Variants in NCKAP5 observed in about 807,000 individuals in gnomAD.
NCKAP5 encodes the protein NCK associated protein 5.
NCKAP5 carries 92 observed loss-of-function variants against 167.0 expected under a neutral mutation model. The ratio of observed to expected loss-of-function variants is 0.55; its 90% CI spans 0.47 to 0.66. The LOEUF (loss-of-function observed/expected upper bound fraction) is 0.66. Ranked by LOEUF, NCKAP5 falls within the 30% of genes least tolerant of loss-of-function variation. NCKAP5 has a pLI of 0.00. For missense variants in NCKAP5, 2,378 were observed against 2,315.0 expected, an observed-to-expected ratio of 1.03 and a Z score of -0.56; for synonymous variants, 891 against 877.4, an observed-to-expected ratio of 1.02 and a Z score of -0.27.
chr2:133,662,580 T>C, the NCKAP5 span, among the ~76,000 whole-genome samples: 1 of 147,790 alleles, frequency 6.8e-6, no homozygotes, highest in Non-Finnish European at 1.5e-5. Context: ...GTATAAAGAA[T>C]TTGATCACAA....
intron 6 of NCKAP5, chr2:133,123,485 C>T: frequency 5.1e-6 from 1 of 194,842 alleles, no homozygotes; most frequent in Admixed American, 5.2e-5. Flanking sequence ...TATCCTTGAA[C>T]CAATGTTGCT....
intron 3 of NCKAP5, among the ~76,000 whole-genome samples, chr2:133,474,973 G>A (rs1679754057): frequency 6.6e-6 from 1 of 152,120 alleles, no homozygotes; most frequent in Non-Finnish European, 1.5e-5. Flanking sequence ...ACCAAGCCCA[G>A]CTAATTTTTG....
intron 3 of NCKAP5, among the ~76,000 whole-genome samples, chr2:133,349,498 C>T (rs907004664): frequency 6.6e-6 from 1 of 152,198 alleles, no homozygotes; most frequent in African/African-American, 2.4e-5. Context: ...CGGCACTTGA[C>T]AAAGCGGAGA....
At chr2:132,728,570 A>G (rs957472885) in intron 18 of NCKAP5, among the ~76,000 whole-genome samples, 12 of 152,182 alleles carry the variant, frequency 7.9e-5, no homozygotes, top group Non-Finnish European at 2.9e-5. Flanking sequence ...GAGTGCATCC[A>G]TACCCAAGAA....
At chr2:133,359,375 T>C (rs1309449589) in intron 3 of NCKAP5, among the ~76,000 whole-genome samples, 1 of 152,234 alleles carries the variant, frequency 6.6e-6, no homozygotes, top group Non-Finnish European at 1.5e-5. Flanking sequence ...ATTCTGGGCT[T>C]AGTTTTGTTA....
intron 16 of NCKAP5, among the ~76,000 whole-genome samples, chr2:132,746,459 T>C (rs1218918793): frequency 6.6e-6 from 1 of 152,104 alleles, no homozygotes. Flanking sequence ...GGAGTATCTC[T>C]GTGGCCTTGG....
At chr2:133,061,619 T>C (rs561546730) in intron 6 of NCKAP5, among the ~76,000 whole-genome samples, 10 of 152,306 alleles carry the variant, frequency 6.6e-5, no homozygotes, top group African/African-American at 2.4e-4. Flanking sequence ...AACTTAGGTT[T>C]TAAACATTAA....
intron 2 of NCKAP5, among the ~76,000 whole-genome samples, chr2:133,522,267 T>C (rs1016587415): frequency 6.6e-6 from 1 of 152,172 alleles, no homozygotes; most frequent in Non-Finnish European, 1.5e-5. Context: ...AGTCTGTGGG[T>C]ACCGCCACCT....
intron 3 of NCKAP5, among the ~76,000 whole-genome samples, chr2:133,329,926 T>C (rs1015198379): frequency 3.3e-5 from 5 of 151,976 alleles, no homozygotes; most frequent in African/African-American, 1.2e-4. Context: ...TTAAAGGCTC[T>C]CCAGATATAC....
chr2:133,418,422 AG>A (rs1421982465), intron 3 of NCKAP5, among the ~76,000 whole-genome samples: 1 of 152,206 alleles, frequency 6.6e-6, no homozygotes, highest in East Asian at 1.9e-4. Context: ...ACTGTACCCA[AG>A]TATGTAGTAA....
chr2:133,594,222 T>A, the NCKAP5 span, among the ~76,000 whole-genome samples: 2 of 152,024 alleles, frequency 1.3e-5, no homozygotes, highest in East Asian at 1.9e-4. Context: ...GTTAGGTGGC[T>A]GGGTTACCAT....
intron 6 of NCKAP5, among the ~76,000 whole-genome samples, chr2:133,013,510 C>G (rs2078230137): frequency 6.6e-6 from 1 of 152,184 alleles, no homozygotes; most frequent in Admixed American, 6.5e-5. Flanking sequence ...ATTTTTAAAA[C>G]CACCAGATCT....
intron 8 of NCKAP5, among the ~76,000 whole-genome samples, chr2:132,916,528 T>C (rs1279879399): frequency 1.3e-5 from 2 of 152,144 alleles, no homozygotes; most frequent in African/African-American, 4.8e-5. Context: ...GAAGAATGAC[T>C]GGCGTGTAGA....
intron 19 of NCKAP5, among the ~76,000 whole-genome samples, chr2:132,682,687 C>A (rs994237065): frequency 1.3e-5 from 2 of 152,224 alleles, no homozygotes; most frequent in South Asian, 4.2e-4. Context: ...GATGTGCCCA[C>A]CCCAAAGGTA....
chr2:133,450,074 G>C (rs1351135971), intron 3 of NCKAP5, among the ~76,000 whole-genome samples: 1 of 152,014 alleles, frequency 6.6e-6, no homozygotes, highest in Non-Finnish European at 1.5e-5. Flanking sequence ...GCCCATATTT[G>C]TCTACTTGAG....
At chr2:132,797,746 G>A (rs1272343257) in intron 11 of NCKAP5, among the ~76,000 whole-genome samples, 2 of 152,100 alleles carry the variant, frequency 1.3e-5, no homozygotes, top group African/African-American at 4.8e-5. Flanking sequence ...TAGAGGGCAG[G>A]GCTATCCCAC....
intron 16 of NCKAP5, among the ~76,000 whole-genome samples, chr2:132,771,893 G>A (rs917384637): frequency 3.8e-5 from 5 of 132,292 alleles, no homozygotes; most frequent in Admixed American, 2.7e-4. Context: ...GGGTTTCACC[G>A]TGTTAGCCAG....
intron 8 of NCKAP5, among the ~76,000 whole-genome samples, chr2:132,953,580 A>T (rs763958466): frequency 2.0e-5 from 3 of 152,098 alleles, no homozygotes; most frequent in Non-Finnish European, 4.4e-5. Context: ...TCCAGCATCC[A>T]GCAGGAGGCC....
Position 133,380,610 on chromosome 2 carries a change from C to G in NCKAP5, c.70-77500G>C, listed in dbSNP as rs531808238. On this transcript the variant is annotated intron_variant, in intron 3 of 19. Transcript: ENST00000409261. ...TTGTCTAACTTCCAAACATTCAGCT[C>G]TAATGTATCCATCTCCATGTTGTCT... Among the ~76,000 whole-genome samples the G allele has an allele frequency of 1.7e-3, 254 of 152,300 alleles. 3 individuals are homozygous for G. The highest frequency in any genetic ancestry group is 3.4e-3 in the Middle Eastern group (1 of 294).
Sources: gnomAD v4.1 joint callset for allele counts (sites outside exome capture counted in the v4.1 genomes callset) on GRCh38, gnomAD v4.1.1 for gene constraint, MANE v1.5 for transcripts, NCBI Gene and HGNC (gene_info 2026-07-23, HGNC 2026-07-21) for gene names.